GPATCH2: variants seen among roughly 807,000 people sequenced by gnomAD.
GPATCH2 encodes the protein G-patch domain containing 2, also known as G patch domain-containing protein 2.
GPATCH2 carries 51 observed loss-of-function variants against 58.0 expected under a neutral mutation model. The observed-to-expected ratio is 0.88, with a 90% CI of 0.70 to 1.11. The LOEUF (loss-of-function observed/expected upper bound fraction) is 1.11, where lower values mean the gene tolerates loss of function less well. Ranked by LOEUF, GPATCH2 falls within the 50% of genes most tolerant of loss-of-function variation. The probability of loss-of-function intolerance (pLI) is 0.00; values close to 1 mark genes in which losing one functional copy is unlikely to be tolerated. For missense variants in GPATCH2, 625 were observed against 652.2 expected (o/e 0.96, Z 0.45); for synonymous variants, 222 against 218.5 (o/e 1.02, Z -0.14).
chr1:217,612,130 T>C (rs1668664426), intron 3 of GPATCH2, among the ~76,000 whole-genome samples: 1 of 151,744 alleles, frequency 6.6e-6, no homozygotes, highest in Non-Finnish European at 1.5e-5. Flanking sequence ...CAGTGAGCTA[T>C]GATTGCACCA....
At chr1:217,524,421 C>T (rs1288736250) in intron 5 of GPATCH2, among the ~76,000 whole-genome samples, 1 of 151,442 alleles carries the variant, frequency 6.6e-6, no homozygotes, top group Non-Finnish European at 1.5e-5. Flanking sequence ...AGACGATGGG[C>T]GGCCAGGCAG....
At chr1:217,510,608 A>G (rs1284144085) in intron 6 of GPATCH2, among the ~76,000 whole-genome samples, 1 of 152,098 alleles carries the variant, frequency 6.6e-6, no homozygotes, top group Admixed American at 6.6e-5. Flanking sequence ...TTTAGTGCCA[A>G]TTCTATCACC....
chr1:217,625,564 T>C (rs936936945), intron 1 of GPATCH2, among the ~76,000 whole-genome samples: 34 of 152,282 alleles, frequency 2.2e-4, no homozygotes, highest in African/African-American at 7.5e-4. Context: ...CTATTCCTAA[T>C]AGTGAAAAAT....
intron 8 of GPATCH2, among the ~76,000 whole-genome samples, chr1:217,472,781 A>C (rs2102504823): frequency 6.6e-6 from 1 of 152,320 alleles, no homozygotes; most frequent in South Asian, 2.1e-4. Flanking sequence ...AATACCAAGA[A>C]AAAAAGAGAT....
intron 5 of GPATCH2, among the ~76,000 whole-genome samples, chr1:217,528,614 G>T (rs770360422): frequency 1.3e-5 from 2 of 152,170 alleles, no homozygotes; most frequent in South Asian, 2.1e-4. Context: ...AGCATGGGGG[G>T]ACTGAGGGAT....
chr1:217,558,195 C>T (rs1004272032), intron 5 of GPATCH2, among the ~76,000 whole-genome samples: 3 of 152,154 alleles, frequency 2.0e-5, no homozygotes, highest in African/African-American at 7.2e-5. Flanking sequence ...AATCATTCAC[C>T]TCTCTGAGGC....
intron 5 of GPATCH2, among the ~76,000 whole-genome samples, chr1:217,556,261 T>C (rs1423063311): frequency 6.6e-6 from 1 of 152,182 alleles, no homozygotes; most frequent in East Asian, 1.9e-4. Context: ...ACCCAGGAAC[T>C]AGAATGTTAA....
At chr1:217,468,304 G>C (rs150153307) in intron 8 of GPATCH2, among the ~76,000 whole-genome samples, 23 of 152,210 alleles carry the variant, frequency 1.5e-4, no homozygotes, top group African/African-American at 5.5e-4. Context: ...ATCACCTTTG[G>C]AACAATCTTG....
chr1:217,456,895 T>C (rs1181980289), intron 8 of GPATCH2, among the ~76,000 whole-genome samples: 3 of 152,172 alleles, frequency 2.0e-5, no homozygotes, highest in Non-Finnish European at 4.4e-5. Context: ...TCAATGAATA[T>C]GCATAGGCCT....
intron 8 of GPATCH2, among the ~76,000 whole-genome samples, chr1:217,462,182 A>T (rs1479491752): frequency 6.6e-6 from 1 of 152,168 alleles, no homozygotes; most frequent in Non-Finnish European, 1.5e-5. Flanking sequence ...TACTGATTTT[A>T]AATGTCTATG....
chr1:217,611,099 A>C, intron 3 of GPATCH2, 28 bp from the exon 4 acceptor site: 1 of 1,518,072 alleles, frequency 6.6e-7, no homozygotes, highest in Non-Finnish European at 9.0e-7. Flanking sequence ...ACCCCCCCCC[A>C]CCAAAGACTC....
chr1:217,447,863 C>T lies in GPATCH2; in HGVS notation c.1366+1386G>A, dbSNP rs988164408. Among the ~76,000 whole-genome samples the T allele has an allele frequency of 6.6e-5, 10 of 152,050 alleles. 1 individual carries two copies. The highest frequency in any genetic ancestry group is 4.1e-4 in the South Asian group (2 of 4,822). On this transcript the variant is annotated intron_variant, in intron 9 of 9. Coordinates refer to ENST00000366935, the MANE Select transcript of GPATCH2 (RefSeq NM_018040.5). ...CTGTAATCCCAGCACTCTGTGAGGC[C>T]GAGGTGGGCGGATCACCTGAGGTCA...
rs1306759225 is a variant in GPATCH2 at position 217,605,570 on chromosome 1, A to G, written c.1098+4751T>C. On this transcript the variant is annotated intron_variant, in intron 5 of 9. Transcript: ENST00000366935. ...CTATGTAATATTTATGTTGGCCTTC[A>G]ACAACTGTGTTTTAAGCTGAGTCAT... is the stretch of plus-strand genomic sequence containing the variant. Among the ~76,000 whole-genome samples the G allele has an allele frequency of 2.0e-5, 3 of 152,224 alleles. No homozygotes were observed. The East Asian group carries it at 5.8e-4, about 29-fold the overall frequency.
chr1:217,588,511 A>G (rs1044125297), intron 5 of GPATCH2, among the ~76,000 whole-genome samples: 10 of 152,196 alleles, frequency 6.6e-5, no homozygotes, highest in African/African-American at 2.4e-4. Context: ...CACTTTACCT[A>G]TTAAAACTTA....
At chr1:217,536,014 ATCTC>A (rs913890533) in intron 5 of GPATCH2, among the ~76,000 whole-genome samples, 59 of 152,170 alleles carry the variant, frequency 3.9e-4, no homozygotes, top group African/African-American at 1.4e-3. Flanking sequence ...ATTCATTAGA[ATCTC>A]TCTCAAATTA....
At chr1:217,617,210 G>C (rs1282720870) in intron 2 of GPATCH2, among the ~76,000 whole-genome samples, 1 of 152,040 alleles carries the variant, frequency 6.6e-6, no homozygotes, top group Non-Finnish European at 1.5e-5. Context: ...CCACTTTATT[G>C]CCGGTAAAAA....
At chr1:217,609,823 T>G in intron 5 of GPATCH2, 2 of 996,278 alleles carry the variant, frequency 2.0e-6, no homozygotes, top group Non-Finnish European at 2.4e-6. Flanking sequence ...TCTGGAAGTT[T>G]AAAATTTTCT....
intron 9 of GPATCH2, among the ~76,000 whole-genome samples, chr1:217,434,308 C>T (rs1658708054): frequency 6.6e-6 from 1 of 152,152 alleles, no homozygotes; most frequent in African/African-American, 2.4e-5. Flanking sequence ...ACCTCTTAGT[C>T]ATACACACGC....
At chr1:217,540,592 A>G (rs1272276863) in intron 5 of GPATCH2, among the ~76,000 whole-genome samples, 1 of 152,226 alleles carries the variant, frequency 6.6e-6, no homozygotes, top group Admixed American at 6.5e-5. Flanking sequence ...TTATTACACT[A>G]AAGTACACAG....
Sources: gnomAD v4.1 joint callset for allele counts (sites outside exome capture counted in the v4.1 genomes callset) on GRCh38, gnomAD v4.1.1 for gene constraint, MANE v1.5 for transcripts, NCBI Gene and HGNC (gene_info 2026-07-23, HGNC 2026-07-21) for gene names.